The following DPF2 variants were observed in gnomAD, a reference collection of about 807,000 sequenced individuals.
The protein encoded by DPF2 is zinc finger protein ubi-d4.
In DPF2, 10 loss-of-function variants were observed where a neutral mutation model predicts 59.6. That is an observed-to-expected ratio of 0.17 (90% confidence interval 0.10 to 0.28). The LOEUF is 0.28. Ranked by LOEUF, DPF2 falls within the 10% of genes least tolerant of loss-of-function variation. The pLI is 1.00. For missense variants in DPF2, 315 were observed against 509.4 expected (o/e 0.62, Z 3.67); for synonymous variants, 189 against 190.6 (o/e 0.99, Z 0.07).
rs1360066208 is a variant in DPF2 at position 65,341,279 on chromosome 11, C to T, written c.302-120C>T. On this transcript the variant is annotated intron_variant, in intron 3 of 10. Transcript: ENST00000528416. ...CAAGTGAACTAGGGTGTCTTAATTC[C>T]TGGGCGTGCAGAGAACAAAAGATAG... is the stretch of plus-strand genomic sequence containing the variant. 1.0e-5 allele frequency: 15 copies of T among 1,442,602 alleles called. No homozygotes were observed. In the East Asian group the frequency reaches 1.4e-4, roughly 14 times the overall value. 89.4% of individuals were successfully genotyped at this position (1,442,602 alleles called of 1,614,324 possible).
chr11:65,348,827 C>T (rs1001776988), intron 9 of DPF2, 23 bp from the exon 10 acceptor site: 2 of 1,613,500 alleles, frequency 1.2e-6, no homozygotes, highest in African/African-American at 2.7e-5. Flanking sequence ...AGTCCCCATC[C>T]TCTTCCCTCT....
intron 10 of DPF2, 124 bp from the exon 11 acceptor site, chr11:65,351,559 C>A: frequency 1.3e-6 from 1 of 779,070 alleles, no homozygotes; most frequent in Non-Finnish European, 2.2e-6. Context: ...TTTCCTGCTG[C>A]AGAGCATCCC....
Position 65,341,540 on chromosome 11 carries a change from T to C in DPF2, c.443T>C (p.Val148Ala), listed in dbSNP as rs1261695207. ...VDDDSLGEFP[V>A]TNSRARKRIL... Reference sequence around the variant, plus strand: ...GATGACAGCCTGGGCGAGTTTCCTGTGACCAACAGTCGAGCGCGAAAGGTA... The same window carrying C: ...GATGACAGCCTGGGCGAGTTTCCTGCGACCAACAGTCGAGCGCGAAAGGTA... The change falls in exon 4 of 11, where the codon GTG becomes GCG. Residue 148 changes from valine (V) to alanine (A), a missense_variant. This residue lies in a region of DPF2 where 228 missense variants were observed against 275.3 expected (regional missense o/e 0.83). Transcript: ENST00000528416. 6.2e-7 allele frequency: 1 copy of C among 1,614,028 alleles called. No homozygotes were observed. The highest frequency in any genetic ancestry group is 1.3e-5 in the African/African-American group (1 of 74,898).
intron 6 of DPF2, chr11:65,344,327 G>C (rs752844980): frequency 2.8e-5 from 17 of 613,056 alleles, no homozygotes; most frequent in Non-Finnish European, 4.6e-5. Flanking sequence ...AGCAGGCAGG[G>C]TTGGCCTCTC....
At chr11:65,346,150 G>T in intron 8 of DPF2, 92 bp downstream of exon 8, 1 of 1,596,410 alleles carries the variant, frequency 6.3e-7, no homozygotes, top group Admixed American at 1.7e-5. Context: ...AGCCCACCTC[G>T]CTTTTCCTAA....
chr11:65,348,620 A>C (rs955607168), intron 9 of DPF2: 11 of 448,710 alleles, frequency 2.5e-5, no homozygotes, highest in Non-Finnish European at 4.0e-5. Flanking sequence ...GGAAAAAAAA[A>C]AAAAAAAAAA....
In DPF2 at chr11:65,353,184, A is replaced by G. The variant is rs1218737263; in HGVS notation, c.*1425A>G. ...TTTTGTTACATAAATTCAAGTTTAT[A>G]ACAATTCTTTGTTATAAAGAACAAT... On this transcript the variant is annotated 3_prime_UTR_variant, in exon 11 of 11. Coordinates refer to ENST00000528416, the MANE Select transcript of DPF2 (RefSeq NM_006268.5). 2 of 152,184 alleles carry G rather than the reference A, an allele frequency of 1.3e-5. No individual in the cohort carries two copies. Among genetic ancestry groups the G allele is most frequent in the Non-Finnish European group, 2.9e-5 (2 of 68,028 alleles). 9.4% of individuals were successfully genotyped at this position (152,184 alleles called of 1,614,324 possible).
At chr11:65,346,597 T>C in intron 9 of DPF2, 1 of 458,970 alleles carries the variant, frequency 2.2e-6, no homozygotes, top group East Asian at 3.6e-5. Flanking sequence ...ACAAGGTCCC[T>C]GCCTCATGAG....
At chr11:65,342,201 T>G (rs1259241713) in intron 4 of DPF2, among the ~76,000 whole-genome samples, 1 of 152,210 alleles carries the variant, frequency 6.6e-6, no homozygotes, top group Non-Finnish European at 1.5e-5. Context: ...CACATTTGCC[T>G]TATCTGTCTT....
At chr11:65,341,842 G>T (rs957937354) in intron 4 of DPF2, 1 of 256,248 alleles carries the variant, frequency 3.9e-6, no homozygotes, top group Non-Finnish European at 7.5e-6. Context: ...AGATGCAGTG[G>T]CTCATGCCTG....
chr11:65,344,291 G>A (rs1279965538), intron 6 of DPF2: 1 of 622,490 alleles, frequency 1.6e-6, no homozygotes, highest in African/African-American at 1.8e-5. Flanking sequence ...GCCATCCTCT[G>A]GGGTAGGGTT....
chr11:65,353,891 T>C lies in DPF2; in HGVS notation c.*2132T>C, dbSNP rs1854792923. Among the ~76,000 whole-genome samples, 1 of 152,086 alleles carries C rather than the reference T, an allele frequency of 6.6e-6. No individual in the cohort carries two copies. Among genetic ancestry groups the C allele is most frequent in the African/African-American group, 2.4e-5 (1 of 41,396 alleles). ...GCCAGGCAGAGAGGGAGTACAGCAA[T>C]GGATGCGCTTTGGCAGCTGAGTAGT... On this transcript the variant is annotated 3_prime_UTR_variant, in exon 11 of 11. Coordinates refer to ENST00000528416, the MANE Select transcript of DPF2 (RefSeq NM_006268.5).
chr11:65,338,949 A>C (rs1012268392), intron 1 of DPF2, among the ~76,000 whole-genome samples: 1 of 152,152 alleles, frequency 6.6e-6, no homozygotes, highest in Non-Finnish European at 1.5e-5. Context: ...TCCTCAATCT[A>C]TAGAAGAGTA....
At chr11:65,335,008 C>T (rs1459591424) in intron 1 of DPF2, among the ~76,000 whole-genome samples, 1 of 151,992 alleles carries the variant, frequency 6.6e-6, no homozygotes, top group East Asian at 1.9e-4. Context: ...CTCCCTCCTG[C>T]CTGAAGCCTT....
At chr11:65,348,518 C>G in intron 9 of DPF2, 1 of 232,232 alleles carries the variant, frequency 4.3e-6, no homozygotes, top group South Asian at 7.8e-5. Flanking sequence ...GAGGTCAAGG[C>G]TGCAGTGAGC....
intron 6 of DPF2, 94 bp downstream of exon 6, chr11:65,344,163 T>C: frequency 1.5e-6 from 2 of 1,321,024 alleles, no homozygotes; most frequent in East Asian, 2.4e-5. Flanking sequence ...TTGCCCAGAG[T>C]ATTAAAACAA....
intron 9 of DPF2, 28 bp from the exon 10 acceptor site, chr11:65,348,822 C>A: frequency 6.2e-7 from 1 of 1,613,028 alleles, no homozygotes; most frequent in South Asian, 1.1e-5. Context: ...TATTCAGTCC[C>A]CATCCTCTTC....
At chr11:65,343,555 A>G (rs1854441380) in intron 4 of DPF2, 190 bp from the exon 5 acceptor site, 1 of 595,058 alleles carries the variant, frequency 1.7e-6, no homozygotes, top group Non-Finnish European at 3.0e-6. Context: ...CACAGGGGAA[A>G]GATATCCCAA....
At chr11:65,341,619 C>T in intron 4 of DPF2, 57 bp downstream of exon 4, 1 of 1,601,542 alleles carries the variant, frequency 6.2e-7, no homozygotes, top group Non-Finnish European at 8.5e-7. Context: ...CTCCTCTTCA[C>T]TGGGGGCCAC....
Sources: allele counts gnomAD v4.1 joint callset (sites outside exome capture counted in the v4.1 genomes callset), GRCh38; gene constraint gnomAD v4.1.1; regional missense constraint gnomAD v4.1.1; transcripts MANE v1.5; gene names NCBI Gene and HGNC (gene_info 2026-07-23, HGNC 2026-07-21).